ATPAF1: variants seen among roughly 807,000 people sequenced by gnomAD.
ATPAF1 encodes ATP synthase mitochondrial F1 complex assembly factor 1.
Under a neutral mutation model 43.9 loss-of-function variants are expected in ATPAF1, and 26 were observed. That is an observed-to-expected ratio of 0.59 (90% confidence interval 0.43 to 0.82). The LOEUF is 0.82. Ranked by LOEUF, ATPAF1 falls within the 40% of genes least tolerant of loss-of-function variation. The probability of loss-of-function intolerance (pLI) is 0.00; values close to 1 mark genes in which losing one functional copy is unlikely to be tolerated. For missense variants in ATPAF1, 366 were observed against 435.0 expected (o/e 0.84, Z 1.41); for synonymous variants, 157 against 168.0 (o/e 0.93, Z 0.50).
At chr1:46,652,557 C>A (rs976348821) in intron 6 of ATPAF1, 24 bp downstream of exon 6, 19 of 1,609,308 alleles carry the variant, frequency 1.2e-5, no homozygotes, top group Non-Finnish European at 1.5e-5. Flanking sequence ...ATAAGCAACC[C>A]TTACGTGATC....
At chr1:46,656,158 G>C (rs1273296938) in intron 4 of ATPAF1, among the ~76,000 whole-genome samples, 1 of 152,206 alleles carries the variant, frequency 6.6e-6, no homozygotes, top group Non-Finnish European at 1.5e-5. Context: ...TTAGGAGTTA[G>C]AGTAGGGAAA....
intron 2 of ATPAF1, among the ~76,000 whole-genome samples, chr1:46,661,532 T>C (rs550527409): frequency 2.4e-4 from 36 of 152,256 alleles, no homozygotes; most frequent in Non-Finnish European, 1.8e-4. Flanking sequence ...TGCTAAAATA[T>C]GTATTTTGTT....
In ATPAF1 at chr1:46,652,664, T is replaced by C. The variant is rs374585795; in HGVS notation, c.541-36A>G. On this transcript the variant is annotated intron_variant, in intron 5 of 8. Coordinates refer to ENST00000574428, the Ensembl canonical transcript of ATPAF1. ...GAAAAGAATAAAGTTAACCTACACA[T>C]AGTAAAACACAAAAGGCCACTATCA... 6 of 1,580,812 alleles carry C rather than the reference T, an allele frequency of 3.8e-6. No homozygotes were observed. The African/African-American group carries it at 5.4e-5, about 14-fold the overall frequency.
intron 4 of ATPAF1, among the ~76,000 whole-genome samples, chr1:46,657,300 C>T (rs1557932026): frequency 6.6e-6 from 1 of 151,990 alleles, no homozygotes; most frequent in East Asian, 1.9e-4. Context: ...AGAAAAATAG[C>T]TTATTAGAGA....
rs1162642341 is a variant in ATPAF1, at chr1:46,658,746, T to C, written c.376-9A>G. 1.3e-6 allele frequency: 2 copies of C among 1,582,838 alleles called. No homozygotes were observed. Among genetic ancestry groups the C allele is most frequent in the Admixed American group, 1.8e-5 (1 of 56,426 alleles). ...TTCCCCAAGGCATCTGTCTGAAATA[T>C]ATAAGACAAGATATTAATCTACACT... On this transcript the variant is annotated splice_polypyrimidine_tract_variant and intron_variant, in intron 2 of 8. Coordinates refer to ENST00000574428, the Ensembl canonical transcript of ATPAF1.
chr1:46,639,072 G>A (rs1012199913), intron 8 of ATPAF1, among the ~76,000 whole-genome samples: 4 of 152,288 alleles, frequency 2.6e-5, no homozygotes, highest in African/African-American at 9.6e-5. Context: ...ACTACACAAT[G>A]TTTAGGAAGC....
At chr1:46,646,489 A>C (rs1358905570) in intron 6 of ATPAF1, among the ~76,000 whole-genome samples, 10 of 152,242 alleles carry the variant, frequency 6.6e-5, no homozygotes, top group Non-Finnish European at 1.5e-4. Context: ...TTTATGCTCA[A>C]GATGTTTAGA....
intron 6 of ATPAF1, among the ~76,000 whole-genome samples, chr1:46,649,866 C>T (rs1676131158): frequency 6.6e-6 from 1 of 151,814 alleles, no homozygotes; most frequent in African/African-American, 2.4e-5. Flanking sequence ...ATTGAGGCTG[C>T]AGTAAGCTAT....
chr1:46,662,985 A>G (rs1168835348), intron 2 of ATPAF1, among the ~76,000 whole-genome samples: 4 of 150,766 alleles, frequency 2.7e-5, no homozygotes, highest in Admixed American at 1.3e-4. Flanking sequence ...TCCTGTGTCC[A>G]TGTGTTCTCA....
intron 2 of ATPAF1, 195 bp downstream of exon 2, chr1:46,665,061 A>G (rs983716002): frequency 3.9e-5 from 23 of 585,670 alleles, no homozygotes; most frequent in East Asian, 8.6e-5. Flanking sequence ...TCATACTTCT[A>G]TATCTCCACC....
chr1:46,648,313 T>C (rs1023807948), intron 6 of ATPAF1, among the ~76,000 whole-genome samples: 2 of 152,236 alleles, frequency 1.3e-5, no homozygotes, highest in East Asian at 3.9e-4. Context: ...GTTTTCGCCA[T>C]ATTGGCCAGG....
rs553757628 is a variant in ATPAF1, at chr1:46,661,685, TA to T, written c.376-2949del. 1.1e-4 allele frequency among the ~76,000 whole-genome samples: 16 copies of T among 152,176 alleles called. No individual in the cohort carries two copies. The South Asian group carries it at 2.7e-3, about 26-fold the overall frequency. ...GGGAGAATTTTTAAAAAATGTATTA[TA>T]AAAGGGGGATGTTGAGTCCCATGTG... On this transcript the variant is annotated intron_variant, in intron 2 of 8. Coordinates refer to ENST00000574428, the Ensembl canonical transcript of ATPAF1.
intron 2 of ATPAF1, among the ~76,000 whole-genome samples, chr1:46,662,712 C>A (rs950466316): frequency 2.0e-5 from 3 of 152,240 alleles, no homozygotes; most frequent in African/African-American, 7.2e-5. Flanking sequence ...TAGGCGTGAG[C>A]CACTGCGCCT....
chr1:46,648,343 C>A (rs1444433865), intron 6 of ATPAF1, among the ~76,000 whole-genome samples: 1 of 152,118 alleles, frequency 6.6e-6, no homozygotes, highest in Non-Finnish European at 1.5e-5. Flanking sequence ...AACTTCGGAC[C>A]TCAAGTGATC....
At chr1:46,646,783 C>T (rs1464654893) in intron 6 of ATPAF1, among the ~76,000 whole-genome samples, 1 of 152,066 alleles carries the variant, frequency 6.6e-6, no homozygotes, top group South Asian at 2.1e-4. Context: ...GAAACCATAA[C>T]CAAAATCAAC....
At chr1:46,637,480 A>G (rs1345282071) in intron 8 of ATPAF1, among the ~76,000 whole-genome samples, 1 of 152,218 alleles carries the variant, frequency 6.6e-6, no homozygotes, top group Admixed American at 6.5e-5. Flanking sequence ...TACTTTTGCT[A>G]TACATTCTGC....
In ATPAF1 at chr1:46,662,706, C is replaced by T. The variant is rs184861277; in HGVS notation, c.375+2550G>A. 3.2e-3 allele frequency among the ~76,000 whole-genome samples: 490 copies of T among 152,294 alleles called. 4 individuals are homozygous for T. The highest frequency in any genetic ancestry group is 0.011 in the African/African-American group (471 of 41,560). On this transcript the variant is annotated intron_variant, in intron 2 of 8. Coordinates refer to ENST00000574428, the Ensembl canonical transcript of ATPAF1. ...CCTCCCAAAGTGCTGGGATTATAGG[C>T]GTGAGCCACTGCGCCTGGCAACCCA...
chr1:46,668,432 T>G, upstream of ATPAF1: 1 of 1,135,316 alleles, frequency 8.8e-7, no homozygotes, highest in Admixed American at 4.9e-5. The surrounding 1 kb of genome is among the most constrained non-coding windows in gnomAD (Gnocchi z 4.4). Flanking sequence ...GGCACCGAGG[T>G]TCCGCGCGCC....
At chr1:46,647,622 C>T (rs1245749226) in intron 6 of ATPAF1, among the ~76,000 whole-genome samples, 3 of 152,106 alleles carry the variant, frequency 2.0e-5, no homozygotes, top group East Asian at 1.9e-4. Flanking sequence ...TGAATATTTG[C>T]GCACAAGTCA....
Sources: gnomAD v4.1 joint callset for allele counts (sites outside exome capture counted in the v4.1 genomes callset) on GRCh38, gnomAD v4.1.1 for gene constraint, Gnocchi (gnomAD v3.1) non-coding constraint, MANE v1.5 for transcripts, NCBI Gene and HGNC (gene_info 2026-07-23, HGNC 2026-07-21) for gene names.